BDNF: variants seen among roughly 807,000 people sequenced by gnomAD.
BDNF encodes the protein neurotrophic factor BDNF precursor form.
Under a neutral mutation model 19.5 loss-of-function variants are expected in BDNF, and 1 was observed. That is an observed-to-expected ratio of 0.05 (90% confidence interval 0.02 to 0.24). BDNF has a LOEUF of 0.24. BDNF is among the 10% of genes least tolerant of loss of function. BDNF has a pLI of 1.00. For missense variants in BDNF, 195 were observed against 317.6 expected (o/e 0.61, Z 2.93); for synonymous variants, 100 against 121.6 (o/e 0.82, Z 1.17).
chr11:27,695,004 T>A (rs989059624), intron 1 of BDNF, among the ~76,000 whole-genome samples: 1 of 152,210 alleles, frequency 6.6e-6, no homozygotes, highest in Non-Finnish European at 1.5e-5. Flanking sequence ...TAAAAGGATT[T>A]AGTGCATATA....
At chr11:27,689,441 A>G (rs1440591241) in intron 1 of BDNF, among the ~76,000 whole-genome samples, 1 of 152,244 alleles carries the variant, frequency 6.6e-6, no homozygotes, top group Non-Finnish European at 1.5e-5. Flanking sequence ...ATGGAATACC[A>G]CACATTTGGA....
intron 1 of BDNF, among the ~76,000 whole-genome samples, chr11:27,670,448 A>G (rs910509330): frequency 9.2e-5 from 14 of 152,238 alleles, no homozygotes; most frequent in African/African-American, 3.4e-4. Flanking sequence ...ACAGCAAAAG[A>G]AACTACCATC....
intron 1 of BDNF, among the ~76,000 whole-genome samples, chr11:27,696,883 A>T (rs1021356842): frequency 9.2e-5 from 14 of 152,154 alleles, no homozygotes; most frequent in African/African-American, 3.4e-4. Flanking sequence ...TTCTCAAAAG[A>T]TATTCAGAGT....
At position 27,656,472 on chromosome 11, in the gene BDNF, T is replaced by C; in HGVS notation, c.*1349A>G. 10 of 881,232 alleles carry C rather than the reference T, an allele frequency of 1.1e-5. No homozygotes were observed. Among genetic ancestry groups the C allele is most frequent in the Non-Finnish European group, 1.4e-5 (10 of 734,652 alleles). The allele number at this position is 881,232 out of a possible 1,614,324, so 54.6% of individuals were successfully genotyped here. On this transcript the variant is annotated 3_prime_UTR_variant, in exon 2 of 2. Transcript: ENST00000356660. Reference sequence around the variant, plus strand: ...TCATTCCAGAGCCACCTCTGAAGGGTCCTTCAGAGGCCTTCGTTTTGGAAT... The same window carrying C: ...TCATTCCAGAGCCACCTCTGAAGGGCCCTTCAGAGGCCTTCGTTTTGGAAT...
At chr11:27,668,592 C>A (rs1854782368) in intron 1 of BDNF, among the ~76,000 whole-genome samples, 1 of 152,010 alleles carries the variant, frequency 6.6e-6, no homozygotes, top group Non-Finnish European at 1.5e-5. Context: ...ACCACCAATC[C>A]CACAGAAATA....
At chr11:27,675,027 G>T in intron 1 of BDNF, 1 of 513,630 alleles carries the variant, frequency 1.9e-6, no homozygotes, top group Non-Finnish European at 2.5e-6. Flanking sequence ...GATTCCCTAA[G>T]ATCACATACC....
Position 27,682,058 on chromosome 11 carries a change from G to A in BDNF, c.-22+18106C>T, listed in dbSNP as rs551147436. Among the ~76,000 whole-genome samples, 6 of 152,210 alleles carry A rather than the reference G, an allele frequency of 3.9e-5. No individual in the cohort carries two copies. The South Asian group carries it at 1.2e-3, about 32-fold the overall frequency. On this transcript the variant is annotated intron_variant, in intron 1 of 1. Coordinates refer to ENST00000356660, the MANE Select transcript of BDNF (RefSeq NM_001709.5). ...TTCAGCAGTTCTCTCATCTCAAAAT[G>A]TCTGAATTTCTGATTATTTACAAGG...
At chr11:27,691,531 A>G (rs1858287631) in intron 1 of BDNF, among the ~76,000 whole-genome samples, 1 of 152,222 alleles carries the variant, frequency 6.6e-6, no homozygotes, top group African/African-American at 2.4e-5. Context: ...ACTATAAACT[A>G]TATGATATCC....
intron 1 of BDNF, among the ~76,000 whole-genome samples, chr11:27,666,705 G>A (rs1399421371): frequency 6.6e-6 from 1 of 152,184 alleles, no homozygotes; most frequent in Non-Finnish European, 1.5e-5. Flanking sequence ...GAAGCAAGAA[G>A]AGAAGTTTAG....
chr11:27,721,641 G>A, exon 1 of BDNF: 7 of 604,806 alleles, frequency 1.2e-5, no homozygotes, highest in South Asian at 1.0e-4. Flanking sequence ...AACTGGCATC[G>A]ATGTCGAAAA....
At chr11:27,665,566 C>T (rs370355286) in intron 1 of BDNF, among the ~76,000 whole-genome samples, 6 of 152,286 alleles carry the variant, frequency 3.9e-5, no homozygotes, top group African/African-American at 1.4e-4. Flanking sequence ...ACACTCCCCA[C>T]CCTAATACTG....
chr11:27,711,381 G>A (rs1363966017), intron 1 of BDNF, among the ~76,000 whole-genome samples: 1 of 152,168 alleles, frequency 6.6e-6, no homozygotes, highest in East Asian at 1.9e-4. Flanking sequence ...AAAAGGGTAG[G>A]TGACAATTAG....
At chr11:27,718,547 C>A (rs1860617015) in intron 1 of BDNF, among the ~76,000 whole-genome samples, 1 of 145,096 alleles carries the variant, frequency 6.9e-6, no homozygotes, top group Non-Finnish European at 1.5e-5. Flanking sequence ...CAAGCTCAGC[C>A]CCTCCCGCCA....
intron 1 of BDNF, among the ~76,000 whole-genome samples, chr11:27,698,517 G>A (rs995257890): frequency 1.3e-5 from 2 of 152,096 alleles, no homozygotes; most frequent in Non-Finnish European, 2.9e-5. Context: ...AAGTTAAAAT[G>A]TAAAGACATA....
Position 27,685,122 on chromosome 11 carries a change from T to C in BDNF, c.-22+15042A>G, listed in dbSNP as rs543292967. On this transcript the variant is annotated intron_variant, in intron 1 of 1. Transcript: ENST00000356660. ...GGAATTTGACTTCTTCCTTTAGTCT[T>C]AGGAGGGTGTATGTGTCCAGGAATT... Among the ~76,000 whole-genome samples the C allele has an allele frequency of 9.7e-4, 147 of 152,312 alleles. 1 individual carries two copies. The highest frequency in any genetic ancestry group is 1.5e-3 in the Non-Finnish European group (105 of 68,028).
chr11:27,683,227 A>G (rs1857065017), intron 1 of BDNF, among the ~76,000 whole-genome samples: 1 of 152,160 alleles, frequency 6.6e-6, no homozygotes, highest in Non-Finnish European at 1.5e-5. Flanking sequence ...GCATCTGTTC[A>G]TACCCTTCGC....
At chr11:27,695,297 A>G (rs1858855027) in intron 1 of BDNF, among the ~76,000 whole-genome samples, 1 of 152,198 alleles carries the variant, frequency 6.6e-6, no homozygotes, top group Non-Finnish European at 1.5e-5. Flanking sequence ...AATTTTATAC[A>G]AGCTAGTTGT....
chr11:27,700,934 T>C, upstream of BDNF: 1 of 1,346,392 alleles, frequency 7.4e-7, no homozygotes, highest in Non-Finnish European at 9.9e-7. Flanking sequence ...CCAAGTTCTC[T>C]GGGAGAGGGC....
At chr11:27,701,144 G>A, upstream of BDNF, 1 of 1,238,436 alleles carries the variant, frequency 8.1e-7, no homozygotes, top group South Asian at 1.3e-5. Flanking sequence ...GATAATAACA[G>A]CATTTTTTAT....
Sources: gnomAD v4.1 joint callset for allele counts (sites outside exome capture counted in the v4.1 genomes callset) on GRCh38, gnomAD v4.1.1 for gene constraint, MANE v1.5 for transcripts, NCBI Gene and HGNC (gene_info 2026-07-23, HGNC 2026-07-21) for gene names.